Variants in TYW3 observed in about 807,000 individuals in gnomAD.
The protein encoded by TYW3 is tRNA-yW synthesizing protein 3 homolog, also known as tRNA wybutosine-synthesizing protein 3 homolog.
A neutral mutation model predicts 23.1 loss-of-function variants in TYW3; 26 were observed. The observed-to-expected ratio is 1.13, with a 90% CI of 0.83 to 1.56. TYW3 has a LOEUF of 1.56. TYW3 is among the 40% of genes most tolerant of loss of function. TYW3 has a pLI of 0.00. For missense variants in TYW3, 316 were observed against 311.9 expected (o/e 1.01, Z -0.10); for synonymous variants, 102 against 105.7 (o/e 0.97, Z 0.21).
intron 3 of TYW3, among the ~76,000 whole-genome samples, chr1:74,740,514 TGCTGATTGGTCGCTTTTACAGACA>T (rs1194394601): frequency 1.3e-5 from 2 of 152,244 alleles, no homozygotes; most frequent in Non-Finnish European, 2.9e-5. Flanking sequence ...ACCCACATCC[TGCTGATTGGTCGCTTTTACAGACA>T]GCTGATTGGT....
chr1:74,757,388 C>T (rs1219590816), intron 5 of TYW3, among the ~76,000 whole-genome samples: 1 of 152,234 alleles, frequency 6.6e-6, no homozygotes, highest in Non-Finnish European at 1.5e-5. Context: ...GGGAACCCAC[C>T]TCTTGCATCA....
intron 3 of TYW3, among the ~76,000 whole-genome samples, chr1:74,744,826 C>T (rs1419738820): frequency 6.6e-6 from 1 of 152,204 alleles, no homozygotes; most frequent in East Asian, 1.9e-4. Context: ...CTTGTGGGTT[C>T]ATGGTCTTGC....
rs1441604103 is a variant in TYW3 at position 74,758,720 on chromosome 1, C to G, written c.561-5174C>G. 2.0e-5 allele frequency among the ~76,000 whole-genome samples: 3 copies of G among 152,142 alleles called. No individual in the cohort carries two copies. In the East Asian group the frequency reaches 5.8e-4, roughly 29 times the overall value. On this transcript the variant is annotated intron_variant, in intron 5 of 5. Transcript: ENST00000370867. ...TGGTTCTGATTCTTATCATCATTTA[C>G]CAGTGCAAAACAGGTATTTCTATTA...
intron 1 of TYW3, among the ~76,000 whole-genome samples, chr1:74,734,505 A>G (rs1192845431): frequency 1.3e-5 from 2 of 152,240 alleles, no homozygotes; most frequent in Non-Finnish European, 2.9e-5. Context: ...GAAAGACTTA[A>G]GGAAAGAAAA....
chr1:74,737,587 G>C (rs184000156), intron 2 of TYW3, among the ~76,000 whole-genome samples: 87 of 152,332 alleles, frequency 5.7e-4, no homozygotes, highest in African/African-American at 2.0e-3. Context: ...ATGGTGTGAA[G>C]GCAGGACGAT....
chr1:74,763,491 A>T (rs987928397), intron 5 of TYW3, among the ~76,000 whole-genome samples: 7 of 152,204 alleles, frequency 4.6e-5, no homozygotes. Context: ...AGACTACATT[A>T]ATAAACTGAA....
chr1:74,736,495 T>G (rs1163574729), intron 1 of TYW3, 47 bp from the exon 2 acceptor site: 1 of 1,409,644 alleles, frequency 7.1e-7, no homozygotes, highest in African/African-American at 1.5e-5. Flanking sequence ...CTTATTATTT[T>G]TGTAAAATAT....
chr1:74,746,783 G>T (rs1187648321), intron 3 of TYW3, among the ~76,000 whole-genome samples: 1 of 152,202 alleles, frequency 6.6e-6, no homozygotes, highest in Admixed American at 6.5e-5. Context: ...GAAGGTTGCA[G>T]TGAGCCGAGA....
rs753335728 is a variant in TYW3 at position 74,766,073 on chromosome 1, G to A, written c.*1960G>A. 1 of 152,132 alleles carries A rather than the reference G, an allele frequency of 6.6e-6. No individual in the cohort carries two copies. Among genetic ancestry groups the A allele is most frequent in the Admixed American group, 6.6e-5 (1 of 15,264 alleles). The allele number at this position is 152,132 out of a possible 1,614,324, so 9.4% of individuals were successfully genotyped here. A position where few individuals can be genotyped will look rare whatever the true frequency, so the allele number is the denominator to read the frequency against. On this transcript the variant is annotated 3_prime_UTR_variant, in exon 6 of 6. Coordinates refer to ENST00000370867, the MANE Select transcript of TYW3 (RefSeq NM_138467.3). ...GGCCCCATAAGATTATAATGGACCT[G>A]AAAAATTCCTATTGCTAGTGATGTG...
rs1649222651 is a variant in TYW3, at chr1:74,764,140, T to C, written c.*27T>C. 1.3e-6 allele frequency: 2 copies of C among 1,577,484 alleles called. No homozygotes were observed. Among genetic ancestry groups the C allele is most frequent in the Non-Finnish European group, 1.7e-6 (2 of 1,161,454 alleles). On this transcript the variant is annotated 3_prime_UTR_variant, in exon 6 of 6. Transcript: ENST00000370867. Reference sequence around the variant, plus strand: ...CTTTGGTTCTGATGTGTCTTGGCCGTAATGTTTCTAGTAGGTTTTATAAAG... The same window carrying C: ...CTTTGGTTCTGATGTGTCTTGGCCGCAATGTTTCTAGTAGGTTTTATAAAG...
At position 74,764,016 on chromosome 1, in the gene TYW3, G is replaced by A. The variant is rs544642809; in HGVS notation, c.683G>A (p.Arg228His). Residue 228 changes from arginine (R) to histidine (H), a missense_variant, in exon 6 of 6, where the codon CGT becomes CAT. Arg to His is a conservative substitution (Grantham distance 29). Transcript: ENST00000370867. ...AAAAAAAGAAACCCAGAAAAAACAC[G>A]TGCCCAGTGTATTACTAAAGAAAGT... is the stretch of plus-strand genomic sequence containing the variant. Reference protein sequence around the residue: ...HKKKRNPEKTRAQCITKESDE... With the variant: ...HKKKRNPEKTHAQCITKESDE... 66 of 1,612,410 alleles carry A rather than the reference G, an allele frequency of 4.1e-5. No homozygotes were observed. The African/African-American group carries it at 6.4e-4, about 16-fold the overall frequency.
Position 74,763,947 on chromosome 1 carries a change from A to G in TYW3, c.614A>G (p.His205Arg). Residue 205 changes from histidine to arginine, a missense_variant, in exon 6 of 6, where the codon CAT (histidine) becomes CGT (arginine). Physicochemically the swap from His to Arg is conservative, Grantham distance 29 (BLOSUM62 0). Coordinates refer to ENST00000370867, the MANE Select transcript of TYW3 (RefSeq NM_138467.3). ...ALERETMTNL[H>R]PKIKEKNNSS... ...GAAAGGGAAACGATGACTAACTTAC[A>G]TCCCAAGATCAAAGAGAAAAATAAC... is the stretch of plus-strand genomic sequence containing the variant. 6.2e-7 allele frequency: 1 copy of G among 1,607,962 alleles called. No individual in the cohort carries two copies. The highest frequency in any genetic ancestry group is 1.1e-5 in the South Asian group (1 of 89,018).
At chr1:74,752,904 T>C (rs1648835062) in intron 5 of TYW3, among the ~76,000 whole-genome samples, 1 of 147,810 alleles carries the variant, frequency 6.8e-6, no homozygotes, top group Admixed American at 7.0e-5. Flanking sequence ...TACCAAACTC[T>C]TGTCATGGAT....
At chr1:74,748,940 C>T (rs1648684574) in intron 4 of TYW3, 118 bp downstream of exon 4, 6 of 910,876 alleles carry the variant, frequency 6.6e-6, no homozygotes, top group Non-Finnish European at 1.0e-5. Context: ...CATTCTCTTA[C>T]TCATAAACCC....
intron 5 of TYW3, among the ~76,000 whole-genome samples, chr1:74,754,417 G>A (rs1648886068): frequency 6.6e-6 from 1 of 152,196 alleles, no homozygotes; most frequent in South Asian, 2.1e-4. Flanking sequence ...ATACTGATTA[G>A]AAGATTACAT....
chr1:74,764,758 C>A lies in TYW3; in HGVS notation c.*645C>A, dbSNP rs1215003544. The A allele has an allele frequency of 6.6e-6, 1 of 152,030 alleles. No individual in the cohort carries two copies. The highest frequency in any genetic ancestry group is 2.1e-4 in the South Asian group (1 of 4,828). The allele number at this position is 152,030 out of a possible 1,614,324, so 9.4% of individuals were successfully genotyped here. On this transcript the variant is annotated 3_prime_UTR_variant, in exon 6 of 6. Transcript: ENST00000370867. The stretch of plus-strand genomic sequence containing the variant: ...ACTGGAATTCCAGTTCAAGGAGATA[C>A]CATTTCATTTAGGACTAAAAGGACA...
chr1:74,750,800 CTTTTTTTTTT>C (rs34468239), intron 4 of TYW3, among the ~76,000 whole-genome samples: 1 of 67,652 alleles, frequency 1.5e-5, no homozygotes, highest in African/African-American at 5.6e-5. Context: ...TCCCCCGCTC[CTTTTTTTTTT>C]TTTTTTTTTT....
intron 3 of TYW3, among the ~76,000 whole-genome samples, chr1:74,742,532 G>A (rs772718173): frequency 1.6e-4 from 25 of 152,150 alleles, no homozygotes; most frequent in South Asian, 4.1e-4. Flanking sequence ...GGGTCCTTCC[G>A]TAGGTATTTC....
chr1:74,744,592 TTGTCCCATCTGGGTCGCCAAAATG>T (rs932562328), intron 3 of TYW3, among the ~76,000 whole-genome samples: 21 of 152,290 alleles, frequency 1.4e-4, no homozygotes, highest in Admixed American at 8.5e-4. Flanking sequence ...CAATAGGCGA[TTGTCCCATCTGGGTCGCCAAAATG>T]TGTCCCATCT....
Sources: gnomAD v4.1 joint callset for allele counts (sites outside exome capture counted in the v4.1 genomes callset) on GRCh38, gnomAD v4.1.1 for gene constraint, MANE v1.5 for transcripts, NCBI Gene and HGNC (gene_info 2026-07-23, HGNC 2026-07-21) for gene names.